The following SNX31 variants were observed in gnomAD, a reference collection of about 807,000 sequenced individuals.
SNX31 encodes sorting nexin 31.
Under a neutral mutation model 65.4 loss-of-function variants are expected in SNX31, and 58 were observed. The ratio of observed to expected loss-of-function variants is 0.89; its 90% CI spans 0.72 to 1.10. SNX31 has a LOEUF of 1.10. SNX31 is among the 50% of genes least tolerant of loss of function. The pLI is 0.00. For missense variants in SNX31, 523 were observed against 529.7 expected, an observed-to-expected ratio of 0.99 and a Z score of 0.12; for synonymous variants, 181 against 190.1, an observed-to-expected ratio of 0.95 and a Z score of 0.39.
At chr8:100,600,258 G>T (rs1370010865) in intron 9 of SNX31, 91 bp downstream of exon 9, 9 of 1,057,156 alleles carry the variant, frequency 8.5e-6, no homozygotes, top group Admixed American at 4.1e-5. Flanking sequence ...TTAGTGCTTG[G>T]TAGGTTTATC....
At chr8:100,647,159 TATAG>T (rs1199452868) in intron 2 of SNX31, among the ~76,000 whole-genome samples, 3 of 152,178 alleles carry the variant, frequency 2.0e-5, no homozygotes, top group Non-Finnish European at 4.4e-5. Context: ...TAGTAGTTTG[TATAG>T]AAAGGGGGAA....
In SNX31 at chr8:100,635,881, C is replaced by A. The variant is rs779140449; in HGVS notation, c.256+16G>T. On this transcript the variant is annotated intron_variant, in intron 3 of 13. Transcript: ENST00000311812. ...TGCAATAAATCTGTTTTTTAAAAAA[C>A]CCTGCAAATACATACCATTTTGCAA... 6.4e-7 allele frequency: 1 copy of A among 1,570,496 alleles called. No individual in the cohort carries two copies. Among genetic ancestry groups the A allele is most frequent in the South Asian group, 1.1e-5 (1 of 89,280 alleles).
chr8:100,581,311 T>TATATATATA (rs56949626), intron 12 of SNX31, among the ~76,000 whole-genome samples: 24 of 122,686 alleles, frequency 2.0e-4, no homozygotes, highest in African/African-American at 1.1e-3. Context: ...AAAAAATTTT[T>TATATATATA]TATATATCTA....
intron 2 of SNX31, among the ~76,000 whole-genome samples, chr8:100,649,062 A>T (rs1819845370): frequency 6.6e-6 from 1 of 152,224 alleles, no homozygotes; most frequent in Non-Finnish European, 1.5e-5. Flanking sequence ...CTCATCTCAC[A>T]GCTGTAGGCG....
intron 1 of SNX31, among the ~76,000 whole-genome samples, chr8:100,661,257 C>A (rs931701987): frequency 2.0e-5 from 3 of 152,098 alleles, no homozygotes; most frequent in Non-Finnish European, 4.4e-5. Context: ...CTGCCCGCCT[C>A]GGCCTCCCAA....
upstream of SNX31, among the ~76,000 whole-genome samples, chr8:100,651,180 G>C (rs7844710): frequency 0.47 from 71,284 of 151,976 alleles, 17,081 homozygotes; most frequent in African/African-American, 0.55. Context: ...ATGAAATCAT[G>C]TTAATAACTC....
In SNX31 at chr8:100,609,511, A is replaced by G. The variant is rs1816512806; in HGVS notation, c.612-948T>C. 6.6e-6 allele frequency among the ~76,000 whole-genome samples: 1 copy of G among 152,224 alleles called. No homozygotes were observed. ...GGCTCCGTGTCTGCCTGTCAGATCCAGAATCACGAGGAACTGAAATTAATG... is the reference window on the plus strand; with the variant it reads ...GGCTCCGTGTCTGCCTGTCAGATCCGGAATCACGAGGAACTGAAATTAATG... On this transcript the variant is annotated intron_variant, in intron 7 of 13. Coordinates refer to ENST00000311812, the MANE Select transcript of SNX31 (RefSeq NM_152628.4). This position sits in a 1 kb window ranked among gnomAD's most constrained non-coding sequence, Gnocchi z 4.9.
At chr8:100,586,974 A>T (rs1429934875) in intron 11 of SNX31, among the ~76,000 whole-genome samples, 1 of 152,130 alleles carries the variant, frequency 6.6e-6, no homozygotes, top group African/African-American at 2.4e-5. Context: ...CTTTTTTAGC[A>T]TTTCCACTCC....
intron 2 of SNX31, among the ~76,000 whole-genome samples, chr8:100,643,195 A>AAAAAC (rs576982670): frequency 0.11 from 13,789 of 126,736 alleles, 714 homozygotes; most frequent in African/African-American, 0.13. Context: ...TCCGTCTCAA[A>AAAAAC]AAAACAAAAC....
chr8:100,607,856 T>G (rs2509759), intron 8 of SNX31, among the ~76,000 whole-genome samples: 1 of 152,072 alleles, frequency 6.6e-6, no homozygotes, highest in African/African-American at 2.4e-5. Flanking sequence ...GAATTTCAAG[T>G]TGGTAACCGC....
chr8:100,603,780 C>T (rs1815881583), intron 8 of SNX31, among the ~76,000 whole-genome samples: 1 of 151,930 alleles, frequency 6.6e-6, no homozygotes, highest in Non-Finnish European at 1.5e-5. Flanking sequence ...CTCTGTTGCC[C>T]AGGCTGGAGT....
chr8:100,637,850 C>T (rs1818886148), intron 2 of SNX31, among the ~76,000 whole-genome samples: 1 of 152,122 alleles, frequency 6.6e-6, no homozygotes, highest in Non-Finnish European at 1.5e-5. Flanking sequence ...TGTGTGCCAC[C>T]ACGCCCAGCT....
At chr8:100,652,691 T>G (rs942627606), upstream of SNX31, among the ~76,000 whole-genome samples, 1 of 152,042 alleles carries the variant, frequency 6.6e-6, no homozygotes, top group Non-Finnish European at 1.5e-5. Flanking sequence ...CCCACACTCT[T>G]TTGGAGGTAT....
intron 5 of SNX31, among the ~76,000 whole-genome samples, chr8:100,616,291 A>G (rs964150098): frequency 6.6e-6 from 1 of 152,172 alleles, no homozygotes; most frequent in Non-Finnish European, 1.5e-5. Context: ...TAGTTTGGTC[A>G]GCAAGCCCAG....
chr8:100,592,368 C>A (rs938261258), intron 10 of SNX31, among the ~76,000 whole-genome samples: 5 of 151,998 alleles, frequency 3.3e-5, no homozygotes, highest in Non-Finnish European at 7.4e-5. Context: ...GCAATAGAAA[C>A]AACCACAAAT....
intron 13 of SNX31, among the ~76,000 whole-genome samples, chr8:100,574,984 G>T (rs1338780987): frequency 6.6e-6 from 1 of 152,138 alleles, no homozygotes; most frequent in African/African-American, 2.4e-5. Context: ...AGAGGTTAGG[G>T]TTACCGCAAA....
chr8:100,596,484 G>C (rs911296791), intron 10 of SNX31, among the ~76,000 whole-genome samples, 155 bp downstream of exon 10: 2 of 152,138 alleles, frequency 1.3e-5, no homozygotes, highest in Non-Finnish European at 2.9e-5. Context: ...ACTACAGATA[G>C]GTTTTACCAC....
At chr8:100,642,912 C>T (rs1381704602) in intron 2 of SNX31, among the ~76,000 whole-genome samples, 1 of 151,978 alleles carries the variant, frequency 6.6e-6, no homozygotes, top group Non-Finnish European at 1.5e-5. Context: ...CAGAACAGGG[C>T]GGGCGTGATG....
In SNX31 at chr8:100,613,219, A is replaced by G. The variant is rs1038151963; in HGVS notation, c.433-134T>C. On this transcript the variant is annotated intron_variant, in intron 5 of 13. Coordinates refer to ENST00000311812, the MANE Select transcript of SNX31 (RefSeq NM_152628.4). This position sits in a 1 kb window ranked among gnomAD's most constrained non-coding sequence, Gnocchi z 5.2. ...GTCATGGGTTAGTGAACACTCAAAG[A>G]AAGCTTTTTGGAATCAAAAAATGGT... is the stretch of plus-strand genomic sequence containing the variant. The G allele has an allele frequency of 3.1e-6, 2 of 655,738 alleles. No homozygotes were observed. The highest frequency in any genetic ancestry group is 5.3e-6 in the Non-Finnish European group (2 of 378,000). 40.6% of individuals were successfully genotyped at this position (655,738 alleles called of 1,614,324 possible).
Sources: gnomAD v4.1 joint callset for allele counts (sites outside exome capture counted in the v4.1 genomes callset) on GRCh38, gnomAD v4.1.1 for gene constraint, Gnocchi (gnomAD v3.1) non-coding constraint, MANE v1.5 for transcripts, NCBI Gene and HGNC (gene_info 2026-07-23, HGNC 2026-07-21) for gene names.